CNGB1: variants seen among roughly 807,000 people sequenced by gnomAD.
CNGB1 encodes the protein cyclic nucleotide gated channel subunit beta 1, also known as cyclic nucleotide-gated channel beta-1.
CNGB1 carries 126 observed loss-of-function variants against 151.7 expected under a neutral mutation model. The ratio of observed to expected loss-of-function variants is 0.83; its 90% CI spans 0.72 to 0.96. The LOEUF is 0.96. Among genes scored for constraint, CNGB1 ranks in the 40% least tolerant of loss-of-function variants. The pLI is 0.00. For missense variants in CNGB1, 1,698 were observed against 1,627.0 expected, an observed-to-expected ratio of 1.04 and a Z score of -0.75; for synonymous variants, 623 against 635.1, an observed-to-expected ratio of 0.98 and a Z score of 0.29.
chr16:57,903,689 G>T, intron 27 of CNGB1, 133 bp downstream of exon 27: 2 of 1,152,220 alleles, frequency 1.7e-6, no homozygotes, highest in Non-Finnish European at 2.5e-6. Context: ...TGGGGACACA[G>T]CCAAGACAGG....
rs35264442 is a variant in CNGB1, at chr16:57,934,956, C to CAA, written c.1373-3080_1373-3079dup. 9.9e-3 allele frequency among the ~76,000 whole-genome samples: 774 copies of CAA among 77,858 alleles called. 17 individuals carry two copies. The highest frequency in any genetic ancestry group is 0.024 in the African/African-American group (724 of 29,948). 51.1% of individuals were successfully genotyped at this position (77,858 alleles called of 152,430 possible). A position where few individuals can be genotyped will look rare whatever the true frequency, so the allele number is the denominator to read the frequency against. On this transcript the variant is annotated intron_variant, in intron 16 of 32. Coordinates refer to ENST00000251102, the MANE Select transcript of CNGB1 (RefSeq NM_001297.5). ...TGGGTGGCAAAGCCAGATTCTGTCT[C>CAA]AAAAAAAAAAAAAAAAGCAGCAGTG...
chr16:57,899,726 A>T (rs934817025), intron 29 of CNGB1, among the ~76,000 whole-genome samples: 7 of 152,230 alleles, frequency 4.6e-5, no homozygotes, highest in African/African-American at 1.7e-4. Flanking sequence ...GACTTATTTG[A>T]CAAAAATTTC....
At chr16:57,931,515 G>C (rs1210058028) in intron 17 of CNGB1, among the ~76,000 whole-genome samples, 1 of 152,026 alleles carries the variant, frequency 6.6e-6, no homozygotes, top group Non-Finnish European at 1.5e-5. Flanking sequence ...TTTGGGACAG[G>C]GCCTCCCATG....
chr16:57,966,307 C>G (rs549993530), intron 2 of CNGB1, among the ~76,000 whole-genome samples: 1 of 152,306 alleles, frequency 6.6e-6, no homozygotes, highest in African/African-American at 2.4e-5. Context: ...GCTGAGTCCC[C>G]GGGGCAATGC....
At chr16:57,895,358 C>T (rs567285732) in intron 31 of CNGB1, among the ~76,000 whole-genome samples, 47 of 151,168 alleles carry the variant, frequency 3.1e-4, no homozygotes, top group Non-Finnish European at 6.3e-4. Flanking sequence ...GCTGAGATGG[C>T]GCCACTGCAC....
At chr16:57,935,430 A>G (rs1481973055) in intron 16 of CNGB1, among the ~76,000 whole-genome samples, 1 of 152,220 alleles carries the variant, frequency 6.6e-6, no homozygotes, top group African/African-American at 2.4e-5. Context: ...CTGTACTCCC[A>G]GCACTTTGGG....
At chr16:57,962,204 C>T (rs1347830174) in intron 7 of CNGB1, among the ~76,000 whole-genome samples, 1 of 152,168 alleles carries the variant, frequency 6.6e-6, no homozygotes, top group Non-Finnish European at 1.5e-5. Flanking sequence ...CTGAGGCCAG[C>T]CCAGGCACCC....
chr16:57,885,010 G>A (rs1008371823), intron 32 of CNGB1, among the ~76,000 whole-genome samples: 22 of 152,186 alleles, frequency 1.4e-4, no homozygotes, highest in African/African-American at 5.1e-4. Context: ...ATTGGGCTGC[G>A]CTGACCCCAT....
intron 12 of CNGB1, among the ~76,000 whole-genome samples, chr16:57,950,974 C>T (rs1205006934): frequency 2.0e-5 from 3 of 152,158 alleles, no homozygotes; most frequent in African/African-American, 7.2e-5. Context: ...AGAGCTTGCC[C>T]GCTTCCTGCT....
At chr16:57,896,074 A>G (rs1433129516) in intron 31 of CNGB1, among the ~76,000 whole-genome samples, 1 of 152,218 alleles carries the variant, frequency 6.6e-6, no homozygotes, top group Non-Finnish European at 1.5e-5. Context: ...TACAACTATC[A>G]TAGCAATCTC....
intron 18 of CNGB1, among the ~76,000 whole-genome samples, chr16:57,922,863 C>CTT (rs60779514): frequency 1.7e-4 from 25 of 146,876 alleles, no homozygotes; most frequent in African/African-American, 5.5e-4. Flanking sequence ...GCCAGGGAAT[C>CTT]TTTTTTTTTT....
chr16:57,944,576 A>T (rs1489266589), intron 14 of CNGB1, among the ~76,000 whole-genome samples: 1 of 152,238 alleles, frequency 6.6e-6, no homozygotes, highest in African/African-American at 2.4e-5. Context: ...GTGTATGTTA[A>T]TTAGCTCAAT....
intron 13 of CNGB1, among the ~76,000 whole-genome samples, chr16:57,949,740 C>T (rs1190783625): frequency 1.3e-5 from 2 of 152,160 alleles, no homozygotes; most frequent in African/African-American, 4.8e-5. Context: ...GGCTTCAGAA[C>T]CCGAGACCTC....
intron 31 of CNGB1, among the ~76,000 whole-genome samples, chr16:57,888,940 C>T (rs1162645846): frequency 6.6e-6 from 1 of 152,196 alleles, no homozygotes; most frequent in Non-Finnish European, 1.5e-5. Context: ...ATATGCCAGG[C>T]CCTCTGCTCC....
chr16:57,890,496 C>A (rs16959471), intron 31 of CNGB1, among the ~76,000 whole-genome samples: 22,803 of 152,228 alleles, frequency 0.15, 3,747 homozygotes, highest in African/African-American at 0.41. Context: ...CTGATTGCTA[C>A]TAGCTGTCTC....
chr16:57,951,813 G>T (rs1411475588), intron 12 of CNGB1, among the ~76,000 whole-genome samples: 1 of 152,056 alleles, frequency 6.6e-6, no homozygotes, highest in Non-Finnish European at 1.5e-5. Flanking sequence ...CTTCTTTTAT[G>T]GGGTGCTTCC....
chr16:57,897,331 G>A, intron 31 of CNGB1, 66 bp downstream of exon 31: 4 of 1,499,762 alleles, frequency 2.7e-6, no homozygotes, highest in Non-Finnish European at 3.7e-6. Flanking sequence ...TAAAGGTACT[G>A]TGGTTATGTA....
At chr16:57,892,828 G>C (rs1435368919) in intron 31 of CNGB1, among the ~76,000 whole-genome samples, 4 of 152,208 alleles carry the variant, frequency 2.6e-5, no homozygotes, top group African/African-American at 9.7e-5. Context: ...TTTGCTTTGT[G>C]CAGGTCTCGT....
At position 57,964,690 on chromosome 16, in the gene CNGB1, G is replaced by C. The variant is rs1251036217; in HGVS notation, c.160-146C>G. ...CAGGATCATCTCTGTAAATCCTGTTGGCCTTACCTTCCACCTGGGATACTC... is the reference window on the plus strand; with the variant it reads ...CAGGATCATCTCTGTAAATCCTGTTCGCCTTACCTTCCACCTGGGATACTC... On this transcript the variant is annotated intron_variant, in intron 2 of 32. Transcript: ENST00000251102. 5 of 855,408 alleles carry C rather than the reference G, an allele frequency of 5.8e-6. No individual in the cohort carries two copies. In the African/African-American group the frequency reaches 8.3e-5, roughly 14 times the overall value. The allele number at this position is 855,408 out of a possible 1,614,324, so 53.0% of individuals were successfully genotyped here.
Sources: gnomAD v4.1 joint callset for allele counts (sites outside exome capture counted in the v4.1 genomes callset) on GRCh38, gnomAD v4.1.1 for gene constraint, MANE v1.5 for transcripts, NCBI Gene and HGNC (gene_info 2026-07-23, HGNC 2026-07-21) for gene names.